The following ANKRD6 variants were observed in gnomAD, a reference collection of about 807,000 sequenced individuals.
The protein encoded by ANKRD6 is ankyrin repeat domain 6, also known as ankyrin repeat domain-containing protein 6.
Under a neutral mutation model 82.3 loss-of-function variants are expected in ANKRD6, and 56 were observed. That is an observed-to-expected ratio of 0.68 (90% CI 0.55 to 0.85). The LOEUF (loss-of-function observed/expected upper bound fraction) is 0.85, where lower values mean the gene tolerates loss of function less well. Ranked by LOEUF, ANKRD6 falls within the 40% of genes least tolerant of loss-of-function variation. ANKRD6 has a pLI of 0.00. For synonymous variants in ANKRD6, 347 were observed against 352.1 expected (o/e 0.99, Z 0.16); for missense variants, 852 against 907.6 (o/e 0.94, Z 0.79).
At chr6:89,567,865 G>T (rs908525461) in intron 2 of ANKRD6, among the ~76,000 whole-genome samples, 2 of 152,166 alleles carry the variant, frequency 1.3e-5, no homozygotes, top group African/African-American at 4.8e-5. Context: ...AATGCAACTT[G>T]TACCCACAGA....
At chr6:89,499,233 T>G (rs935526385) in intron 1 of ANKRD6, among the ~76,000 whole-genome samples, 2 of 152,194 alleles carry the variant, frequency 1.3e-5, no homozygotes, top group African/African-American at 4.8e-5. Context: ...TGGCAAAATT[T>G]AGAAATAAAA....
In ANKRD6 at chr6:89,631,686, C is replaced by T. The variant is rs1032375059; in HGVS notation, c.*682C>T. 1.3e-5 allele frequency: 2 copies of T among 152,096 alleles called. No homozygotes were observed. The highest frequency in any genetic ancestry group is 4.8e-5 in the African/African-American group (2 of 41,420). 9.4% of individuals were successfully genotyped at this position (152,096 alleles called of 1,614,324 possible). ...ACAATGAGATCAAATGAGAAAGATT[C>T]AAATTGTTTGTTATTTTCTGTATTT... On this transcript the variant is annotated 3_prime_UTR_variant, in exon 16 of 16. Transcript: ENST00000339746.
At chr6:89,453,963 G>A (rs1419758714) in intron 1 of ANKRD6, among the ~76,000 whole-genome samples, 1 of 151,676 alleles carries the variant, frequency 6.6e-6, no homozygotes, top group African/African-American at 2.4e-5. Context: ...CACCACGCCC[G>A]GCTAACTTTT....
chr6:89,569,686 C>G (rs1001211071), intron 2 of ANKRD6, among the ~76,000 whole-genome samples: 1 of 152,198 alleles, frequency 6.6e-6, no homozygotes, highest in Admixed American at 6.5e-5. Context: ...TCCAGAATAC[C>G]TGTACCATTT....
At chr6:89,589,987 A>C (rs755378981) in intron 2 of ANKRD6, among the ~76,000 whole-genome samples, 2 of 152,238 alleles carry the variant, frequency 1.3e-5, no homozygotes, top group South Asian at 2.1e-4. Flanking sequence ...TTGAGGAAGC[A>C]GCACCTTTAA....
chr6:89,488,437 G>A (rs1777620989), intron 1 of ANKRD6, among the ~76,000 whole-genome samples: 1 of 152,168 alleles, frequency 6.6e-6, no homozygotes, highest in Non-Finnish European at 1.5e-5. Context: ...GGGACAGAGT[G>A]AGACCCTGTC....
chr6:89,443,846 A>G (rs1771729650), intron 1 of ANKRD6, among the ~76,000 whole-genome samples: 2 of 152,244 alleles, frequency 1.3e-5, no homozygotes, highest in Admixed American at 1.3e-4. Flanking sequence ...AATGGCATTA[A>G]TCATTAGCTT....
At chr6:89,590,083 G>A (rs1044084681) in intron 2 of ANKRD6, among the ~76,000 whole-genome samples, 1 of 152,180 alleles carries the variant, frequency 6.6e-6, no homozygotes, top group East Asian at 1.9e-4. Flanking sequence ...AGTTGTATTG[G>A]GTTGTGGAAT....
chr6:89,523,498 G>A (rs1334693254), intron 1 of ANKRD6, among the ~76,000 whole-genome samples: 2 of 152,138 alleles, frequency 1.3e-5, no homozygotes, highest in Non-Finnish European at 2.9e-5. Flanking sequence ...GTGGCTAGAA[G>A]AGGGCAGTTC....
intron 1 of ANKRD6, among the ~76,000 whole-genome samples, chr6:89,455,802 C>A (rs1189349322): frequency 6.6e-6 from 1 of 152,052 alleles, no homozygotes; most frequent in Non-Finnish European, 1.5e-5. Context: ...GCTTCCTGTA[C>A]AGCCTGCAGA....
intron 2 of ANKRD6, among the ~76,000 whole-genome samples, chr6:89,592,768 C>G (rs1795150477): frequency 6.6e-6 from 1 of 152,098 alleles, no homozygotes; most frequent in South Asian, 2.1e-4. Context: ...ACCCCAAGCA[C>G]AGCAGGAGGA....
intron 2 of ANKRD6, among the ~76,000 whole-genome samples, chr6:89,583,315 T>A (rs1792992691): frequency 6.6e-6 from 1 of 152,224 alleles, no homozygotes; most frequent in Non-Finnish European, 1.5e-5. Flanking sequence ...AGAAACAAGT[T>A]TATTAGCAGG....
At chr6:89,591,472 C>T (rs1428720282) in intron 2 of ANKRD6, among the ~76,000 whole-genome samples, 2 of 152,166 alleles carry the variant, frequency 1.3e-5, no homozygotes, top group African/African-American at 4.8e-5. Flanking sequence ...GTCCTAGGGG[C>T]ATGGAAATGG....
chr6:89,516,691 G>T (rs923692811), intron 1 of ANKRD6, among the ~76,000 whole-genome samples: 39 of 152,124 alleles, frequency 2.6e-4, no homozygotes, highest in African/African-American at 8.9e-4. Context: ...TGGCCAGGCT[G>T]GTCTCAAACT....
chr6:89,483,587 C>T (rs544555712), intron 1 of ANKRD6: 86 of 152,330 alleles, frequency 5.6e-4, no homozygotes, highest in African/African-American at 1.9e-3. Flanking sequence ...AAAACTGTTC[C>T]ATTTTGCACT....
At chr6:89,577,620 T>C (rs1180497699) in intron 2 of ANKRD6, among the ~76,000 whole-genome samples, 2 of 152,136 alleles carry the variant, frequency 1.3e-5, no homozygotes, top group Non-Finnish European at 2.9e-5. Context: ...AAGAAGCTGG[T>C]TAGCCTGGGA....
chr6:89,502,002 G>A (rs1779323418), intron 1 of ANKRD6, among the ~76,000 whole-genome samples: 1 of 152,164 alleles, frequency 6.6e-6, no homozygotes, highest in Non-Finnish European at 1.5e-5. Flanking sequence ...GTGGGCAGCT[G>A]CTGCAGATGA....
At chr6:89,520,828 A>G (rs1020137427) in intron 1 of ANKRD6, among the ~76,000 whole-genome samples, 1 of 152,184 alleles carries the variant, frequency 6.6e-6, no homozygotes, top group Non-Finnish European at 1.5e-5. Context: ...TGGGCTGGGC[A>G]TGGTGGCTCA....
chr6:89,538,902 CAAA>C (rs60101795), intron 1 of ANKRD6, among the ~76,000 whole-genome samples: 1 of 149,668 alleles, frequency 6.7e-6, no homozygotes. Flanking sequence ...ATCAAAAGGC[CAAA>C]AAAAAACTTG....
Sources: allele counts gnomAD v4.1 joint callset (sites outside exome capture counted in the v4.1 genomes callset), GRCh38; gene constraint gnomAD v4.1.1; transcripts MANE v1.5; gene names NCBI Gene and HGNC (gene_info 2026-07-23, HGNC 2026-07-21).